The following MECOM variants were observed in gnomAD, a reference collection of about 807,000 sequenced individuals.
MECOM encodes MDS1 and EVI1 complex locus.
Under a neutral mutation model 116.3 loss-of-function variants are expected in MECOM, and 13 were observed. The observed-to-expected ratio is 0.11, with a 90% CI of 0.07 to 0.18. MECOM has a LOEUF of 0.18. MECOM is among the 10% of genes least tolerant of loss of function. MECOM has a pLI of 1.00. For missense variants in MECOM, 1,299 were observed against 1,509.0 expected, an observed-to-expected ratio of 0.86 and a Z score of 2.31; for synonymous variants, 528 against 535.2, an observed-to-expected ratio of 0.99 and a Z score of 0.19.
intron 2 of MECOM, among the ~76,000 whole-genome samples, chr3:169,277,032 AC>A (rs1176679496): frequency 6.7e-6 from 1 of 150,120 alleles, no homozygotes; most frequent in Non-Finnish European, 1.5e-5. Context: ...ACACACACAC[AC>A]AAGTGCTGTC....
At chr3:169,378,479 AAGAG>A (rs1300022142) in intron 2 of MECOM, among the ~76,000 whole-genome samples, 2 of 60,064 alleles carry the variant, frequency 3.3e-5, no homozygotes, top group East Asian at 4.8e-4. Flanking sequence ...GCAAGCAAGA[AAGAG>A]AGAGAGAAAG....
chr3:169,162,782 C>T (rs1743035532), intron 2 of MECOM, among the ~76,000 whole-genome samples: 1 of 152,106 alleles, frequency 6.6e-6, no homozygotes, highest in Non-Finnish European at 1.5e-5. Flanking sequence ...CAGTTTCATA[C>T]TCAGTGCTGG....
At chr3:169,248,517 G>A (rs952175735) in intron 2 of MECOM, among the ~76,000 whole-genome samples, 4 of 152,246 alleles carry the variant, frequency 2.6e-5, no homozygotes, top group African/African-American at 9.6e-5. Context: ...CCCTTTTGTT[G>A]TCTGTCAATT....
chr3:169,606,896 G>A (rs1235273939), intron 1 of MECOM, among the ~76,000 whole-genome samples: 5 of 152,230 alleles, frequency 3.3e-5, no homozygotes, highest in Non-Finnish European at 5.9e-5. Context: ...AATCCTAATG[G>A]CATGATCATG....
At chr3:169,169,370 C>T (rs1023585130) in intron 2 of MECOM, among the ~76,000 whole-genome samples, 3 of 152,096 alleles carry the variant, frequency 2.0e-5, no homozygotes, top group Non-Finnish European at 2.9e-5. Context: ...AAATTAACCT[C>T]ATTACTTCAA....
intron 2 of MECOM, among the ~76,000 whole-genome samples, chr3:169,263,429 A>G (rs1757869781): frequency 6.6e-6 from 1 of 151,592 alleles, no homozygotes; most frequent in African/African-American, 2.4e-5. Context: ...CGCCCTGCCA[A>G]GATGAAAGAT....
intron 2 of MECOM, among the ~76,000 whole-genome samples, chr3:169,285,302 C>G (rs936827992): frequency 1.1e-4 from 16 of 152,150 alleles, no homozygotes; most frequent in African/African-American, 3.9e-4. Context: ...TTTGACAGTG[C>G]CTTTTCAACA....
At chr3:169,616,047 G>A (rs1769954419) in intron 1 of MECOM, among the ~76,000 whole-genome samples, 1 of 152,200 alleles carries the variant, frequency 6.6e-6, no homozygotes, top group Admixed American at 6.5e-5. Flanking sequence ...AACTGGGAGT[G>A]GGAGGCAGAG....
chr3:169,328,298 T>A (rs541454827), intron 2 of MECOM, among the ~76,000 whole-genome samples: 3 of 152,312 alleles, frequency 2.0e-5, no homozygotes, highest in South Asian at 2.1e-4. Context: ...AGTAACTGCA[T>A]TTATTTGGAT....
chr3:169,330,259 A>G (rs1722511569), intron 2 of MECOM, among the ~76,000 whole-genome samples: 1 of 152,144 alleles, frequency 6.6e-6, no homozygotes, highest in African/African-American at 2.4e-5. Flanking sequence ...CCTAGGCTCA[A>G]GAGATTCTCC....
intron 13 of MECOM, among the ~76,000 whole-genome samples, chr3:169,094,279 C>G (rs1333725847): frequency 3.3e-5 from 5 of 152,064 alleles, no homozygotes; most frequent in African/African-American, 1.2e-4. Flanking sequence ...AATCTCTTTG[C>G]CTGAATTCTG....
chr3:169,288,147 T>A (rs920501370), intron 2 of MECOM, among the ~76,000 whole-genome samples: 2 of 151,770 alleles, frequency 1.3e-5, no homozygotes, highest in African/African-American at 4.8e-5. Context: ...TGAACCATTA[T>A]GGAAAAAACA....
intron 1 of MECOM, among the ~76,000 whole-genome samples, chr3:169,635,066 A>T (rs866618657): frequency 1.1e-4 from 16 of 152,210 alleles, no homozygotes; most frequent in Middle Eastern, 3.4e-3. Context: ...AGGCTCATGC[A>T]GTTCAGCCCT....
intron 1 of MECOM, among the ~76,000 whole-genome samples, chr3:169,554,715 A>T (rs1383895147): frequency 6.6e-6 from 1 of 152,224 alleles, no homozygotes; most frequent in Non-Finnish European, 1.5e-5. Context: ...GGGCCAACTC[A>T]GGGTTGCCAG....
chr3:169,192,155 C>T (rs901209969), intron 2 of MECOM, among the ~76,000 whole-genome samples: 2 of 152,034 alleles, frequency 1.3e-5, no homozygotes, highest in Admixed American at 1.3e-4. Context: ...GAAGTCTCAA[C>T]TTCTTCACTA....
At chr3:169,099,112 G>T (rs1349883533) in intron 12 of MECOM, among the ~76,000 whole-genome samples, 1 of 108,624 alleles carries the variant, frequency 9.2e-6, no homozygotes, top group Admixed American at 9.0e-5. Context: ...TCTTCTGCAA[G>T]GAAAAAAAAA....
chr3:169,270,410 T>G (rs1012517500), intron 2 of MECOM, among the ~76,000 whole-genome samples: 10 of 152,058 alleles, frequency 6.6e-5, no homozygotes, highest in Non-Finnish European at 1.5e-4. Context: ...TATATATACT[T>G]ATATGCAATT....
intron 2 of MECOM, among the ~76,000 whole-genome samples, chr3:169,174,145 A>G (rs1034706504): frequency 6.6e-6 from 1 of 152,168 alleles, no homozygotes; most frequent in Non-Finnish European, 1.5e-5. Flanking sequence ...GCATTTTGGT[A>G]TGCTTCCACA....
intron 10 of MECOM, 105 bp from the exon 11 acceptor site, chr3:169,102,331 A>G: frequency 9.5e-7 from 1 of 1,051,206 alleles, no homozygotes; most frequent in Non-Finnish European, 1.3e-6. Context: ...GAAATCTGCG[A>G]CGGGTTGTAG....
Sources: gnomAD v4.1 joint callset for allele counts (sites outside exome capture counted in the v4.1 genomes callset) on GRCh38, gnomAD v4.1.1 for gene constraint, MANE v1.5 for transcripts, NCBI Gene and HGNC (gene_info 2026-07-23, HGNC 2026-07-21) for gene names.